The following ST6GALNAC3 variants were observed in gnomAD, a reference collection of about 807,000 sequenced individuals.
ST6GALNAC3 encodes alpha-N-acetylgalactosaminide alpha-2,6-sialyltransferase 3.
A neutral mutation model predicts 32.7 loss-of-function variants in ST6GALNAC3; 25 were observed. The ratio of observed to expected loss-of-function variants is 0.76; its 90% CI spans 0.56 to 1.07. The LOEUF (loss-of-function observed/expected upper bound fraction) is 1.07. Among genes scored for constraint, ST6GALNAC3 ranks in the 50% least tolerant of loss-of-function variants. The pLI, the probability that ST6GALNAC3 is intolerant of heterozygous loss-of-function variation, is 0.00. For missense variants in ST6GALNAC3, 355 were observed against 382.4 expected (o/e 0.93, Z 0.60); for synonymous variants, 129 against 133.1 (o/e 0.97, Z 0.21).
At chr1:76,251,708 A>G (rs1240564516) in intron 1 of ST6GALNAC3, among the ~76,000 whole-genome samples, 2 of 151,930 alleles carry the variant, frequency 1.3e-5, no homozygotes, top group Admixed American at 1.3e-4. Flanking sequence ...TTTGTGCACA[A>G]ATTTTTCTCT....
At chr1:76,233,720 T>C (rs1264920365) in intron 1 of ST6GALNAC3, among the ~76,000 whole-genome samples, 1 of 152,206 alleles carries the variant, frequency 6.6e-6, no homozygotes, top group Non-Finnish European at 1.5e-5. Flanking sequence ...TATTAGATAC[T>C]TATCTATGTA....
At chr1:76,139,545 T>C (rs1307444922) in intron 1 of ST6GALNAC3, among the ~76,000 whole-genome samples, 2 of 152,204 alleles carry the variant, frequency 1.3e-5, no homozygotes, top group African/African-American at 4.8e-5. Context: ...CTGAAAGCTT[T>C]TAAACTGGTA....
chr1:76,223,916 C>T (rs1469268991), intron 1 of ST6GALNAC3, among the ~76,000 whole-genome samples: 2 of 152,178 alleles, frequency 1.3e-5, no homozygotes, highest in African/African-American at 2.4e-5. Context: ...AACTCTGAGT[C>T]TTTCTGCAAA....
intron 2 of ST6GALNAC3, among the ~76,000 whole-genome samples, chr1:76,368,812 C>T (rs2101073121): frequency 6.6e-6 from 1 of 152,246 alleles, no homozygotes; most frequent in South Asian, 2.1e-4. Flanking sequence ...ATCTCGGCTC[C>T]AGTGGCATTC....
intron 3 of ST6GALNAC3, among the ~76,000 whole-genome samples, chr1:76,617,255 A>T (rs1044490796): frequency 1.3e-5 from 2 of 152,224 alleles, no homozygotes; most frequent in African/African-American, 4.8e-5. Flanking sequence ...TCTCCAGTTA[A>T]GTCAAAAACC....
chr1:76,502,937 C>T (rs1031917058), intron 3 of ST6GALNAC3, among the ~76,000 whole-genome samples: 3 of 152,146 alleles, frequency 2.0e-5, no homozygotes, highest in Admixed American at 1.3e-4. Context: ...ATGCATATGA[C>T]AGAGGTGTAG....
rs554477849 is a variant in ST6GALNAC3 at position 76,279,894 on chromosome 1, G to A, written c.19-33911G>A. Among the ~76,000 whole-genome samples the A allele has an allele frequency of 3.9e-5, 6 of 152,288 alleles. No individual in the cohort carries two copies. The South Asian group carries it at 1.0e-3, about 26-fold the overall frequency. ...AACAGCGCACAGATATAGGTTACTC[G>A]ACTGGAGGAGTTCTGTGTTTGTGTT... On this transcript the variant is annotated intron_variant, in intron 1 of 4. Transcript: ENST00000328299.
intron 1 of ST6GALNAC3, among the ~76,000 whole-genome samples, chr1:76,300,539 T>C (rs548915609): frequency 1.3e-5 from 2 of 152,136 alleles, no homozygotes; most frequent in Middle Eastern, 3.4e-3. Context: ...TGTAGACTTA[T>C]CTAGATATAG....
At chr1:76,311,068 C>T (rs1420847871) in intron 1 of ST6GALNAC3, among the ~76,000 whole-genome samples, 2 of 152,130 alleles carry the variant, frequency 1.3e-5, no homozygotes, top group Admixed American at 6.6e-5. Flanking sequence ...AGTTCTATTT[C>T]TCCCACCTAA....
rs561660548 is a variant in ST6GALNAC3, at chr1:76,112,316, G to A, written c.18+37432G>A. ...GGGCTCCTCACTTCCCAGTAGGGGC[G>A]GCCGGGCAGAGGCGCCCCTCACCTC... On this transcript the variant is annotated intron_variant, in intron 1 of 4. Coordinates refer to ENST00000328299, the MANE Select transcript of ST6GALNAC3 (RefSeq NM_152996.4). 8.2e-3 allele frequency among the ~76,000 whole-genome samples: 1,146 copies of A among 139,856 alleles called. 17 individuals are homozygous for A. Among genetic ancestry groups the A allele is most frequent in the African/African-American group, 0.031 (1,087 of 35,360 alleles). The allele number at this position is 139,856 out of a possible 152,430, so 91.8% of individuals were successfully genotyped here.
At chr1:76,096,205 G>A (rs1647128790) in intron 1 of ST6GALNAC3, among the ~76,000 whole-genome samples, 1 of 152,218 alleles carries the variant, frequency 6.6e-6, no homozygotes, top group Non-Finnish European at 1.5e-5. Context: ...GTAGATGCAG[G>A]TGTTAATTTC....
intron 3 of ST6GALNAC3, among the ~76,000 whole-genome samples, chr1:76,482,681 C>A (rs1659802046): frequency 6.6e-6 from 1 of 152,042 alleles, no homozygotes; most frequent in Non-Finnish European, 1.5e-5. Context: ...GACTCCCAAG[C>A]CTCTGTTCTT....
chr1:76,436,892 T>C (rs2101479239), intron 3 of ST6GALNAC3, among the ~76,000 whole-genome samples: 1 of 152,254 alleles, frequency 6.6e-6, no homozygotes, highest in African/African-American at 2.4e-5. Flanking sequence ...GACATAACTA[T>C]AATGTCATCA....
chr1:76,143,573 C>G (rs1441089397), intron 1 of ST6GALNAC3, among the ~76,000 whole-genome samples: 1 of 152,090 alleles, frequency 6.6e-6, no homozygotes, highest in Admixed American at 6.5e-5. Context: ...ATCAAATTCT[C>G]TTGGAATATA....
chr1:76,406,286 G>A (rs907490178), intron 2 of ST6GALNAC3, among the ~76,000 whole-genome samples: 6 of 152,112 alleles, frequency 3.9e-5, no homozygotes, highest in Non-Finnish European at 8.8e-5. Context: ...TTTGGGCAGT[G>A]GGGAGGTATT....
At chr1:76,606,883 C>G (rs1381964329) in intron 3 of ST6GALNAC3, among the ~76,000 whole-genome samples, 1 of 147,964 alleles carries the variant, frequency 6.8e-6, no homozygotes, top group Non-Finnish European at 1.5e-5. Flanking sequence ...TCATGCCGAC[C>G]GATTCTCCAA....
chr1:76,260,935 A>C (rs1248650366), intron 1 of ST6GALNAC3, among the ~76,000 whole-genome samples: 2 of 151,360 alleles, frequency 1.3e-5, no homozygotes, highest in East Asian at 3.9e-4. Context: ...GACAAGTAAA[A>C]ATTGTATATA....
At chr1:76,465,281 T>C (rs1187942583) in intron 3 of ST6GALNAC3, among the ~76,000 whole-genome samples, 1 of 152,206 alleles carries the variant, frequency 6.6e-6, no homozygotes, top group African/African-American at 2.4e-5. Context: ...TGCTTACCCA[T>C]TGCCTTGGCT....
intron 1 of ST6GALNAC3, among the ~76,000 whole-genome samples, chr1:76,075,781 G>C (rs1052727116): frequency 6.6e-6 from 1 of 151,830 alleles, no homozygotes; most frequent in Admixed American, 6.6e-5. Context: ...TGAACAGCAT[G>C]AAAGTTTCCT....
Sources: gnomAD v4.1 joint callset for allele counts (sites outside exome capture counted in the v4.1 genomes callset) on GRCh38, gnomAD v4.1.1 for gene constraint, MANE v1.5 for transcripts, NCBI Gene and HGNC (gene_info 2026-07-23, HGNC 2026-07-21) for gene names.